Variants in EIF3H observed in about 807,000 individuals in gnomAD.
The protein encoded by EIF3H is eukaryotic translation initiation factor 3 subunit H.
A neutral mutation model predicts 44.2 loss-of-function variants in EIF3H; 26 were observed. That is an observed-to-expected ratio of 0.59 (90% confidence interval 0.43 to 0.82). The LOEUF (loss-of-function observed/expected upper bound fraction) is 0.82. Ranked by LOEUF, EIF3H falls within the 40% of genes least tolerant of loss-of-function variation. EIF3H has a pLI of 0.00. For missense variants in EIF3H, 359 were observed against 432.8 expected, an observed-to-expected ratio of 0.83 and a Z score of 1.51; for synonymous variants, 166 against 151.9, an observed-to-expected ratio of 1.09 and a Z score of -0.68.
chr8:116,645,103 C>T lies in EIF3H; in HGVS notation c.962G>A (p.Gly321Asp). The T allele has an allele frequency of 6.2e-7, 1 of 1,612,880 alleles. No individual in the cohort carries two copies. The highest frequency in any genetic ancestry group is 8.5e-7 in the Non-Finnish European group (1 of 1,179,082). The change falls in exon 8 of 8, where the codon GGC becomes GAC. Residue 321 changes from glycine (G) to aspartate (D), a missense_variant and splice_region_variant. Gly to Asp is a moderately conservative substitution (Grantham distance 94). Around this residue, in one of 5 missense-constraint regions of EIF3H, gnomAD observed 94 missense variants for 96.0 expected, o/e 0.98. Coordinates refer to ENST00000521861, the MANE Select transcript of EIF3H (RefSeq NM_003756.3). The stretch of plus-strand genomic sequence containing the variant: ...GTTCTGGCAGTAAGTGTTTATCTGG[C>T]CTGTGCATTTGAGAAAGAGATAGAG... Reference protein sequence around the residue: ...PARMDSLLIAGQINTYCQNIK... With the variant: ...PARMDSLLIADQINTYCQNIK...
intron 2 of EIF3H, among the ~76,000 whole-genome samples, chr8:116,663,261 G>A (rs1813610796): frequency 1.3e-5 from 2 of 152,166 alleles, no homozygotes; most frequent in Admixed American, 1.3e-4. Context: ...AAGAAAAAAA[G>A]AGGCTCCTTG....
intron 1 of EIF3H, among the ~76,000 whole-genome samples, chr8:116,728,281 G>A (rs1159364795): frequency 3.3e-5 from 1 of 30,676 alleles, no homozygotes; most frequent in African/African-American, 2.9e-4. Flanking sequence ...TTAGGAGAAA[G>A]GTACTGTTAA....
At chr8:116,743,790 ATATATATAAACAC>A (rs1815174644) in intron 1 of EIF3H, among the ~76,000 whole-genome samples, 1 of 90,926 alleles carries the variant, frequency 1.1e-5, no homozygotes, top group South Asian at 3.8e-4. Context: ...ATATATATAT[ATATATATAAACAC>A]ACACACACAC....
chr8:116,754,331 T>C (rs1282254869), intron 1 of EIF3H, among the ~76,000 whole-genome samples: 2 of 152,136 alleles, frequency 1.3e-5, no homozygotes, highest in Non-Finnish European at 2.9e-5. Context: ...CAGGCTGGTC[T>C]CGAACTCCTG....
intron 1 of EIF3H, among the ~76,000 whole-genome samples, chr8:116,745,266 C>T (rs1815211824): frequency 6.6e-6 from 1 of 152,206 alleles, no homozygotes; most frequent in Non-Finnish European, 1.5e-5. Context: ...CTATTACCAA[C>T]TATTAAAATC....
intron 2 of EIF3H, among the ~76,000 whole-genome samples, chr8:116,690,818 A>C (rs1271220599): frequency 6.6e-6 from 1 of 152,228 alleles, no homozygotes; most frequent in Non-Finnish European, 1.5e-5. Context: ...CTCTGCACTC[A>C]TTTTAAATAA....
chr8:116,676,635 C>T (rs968836625), intron 2 of EIF3H, among the ~76,000 whole-genome samples: 3 of 152,138 alleles, frequency 2.0e-5, no homozygotes, highest in Non-Finnish European at 2.9e-5. Context: ...CAAAGCCTAA[C>T]CATATCAGAC....
intron 1 of EIF3H, among the ~76,000 whole-genome samples, chr8:116,752,712 GAAAGAAAGAAAGAA>G (rs1815366081): frequency 7.8e-6 from 1 of 128,144 alleles, no homozygotes; most frequent in African/African-American, 2.9e-5. Flanking sequence ...AAGAAAGAAA[GAAAGAAAGAAAGAA>G]AGAAAGAAGA....
chr8:116,660,814 T>C (rs954985144), intron 2 of EIF3H, among the ~76,000 whole-genome samples: 1 of 152,228 alleles, frequency 6.6e-6, no homozygotes. Context: ...AGACACTTTG[T>C]ATACCAAACC....
chr8:116,707,053 C>A (rs1025529749), intron 2 of EIF3H, among the ~76,000 whole-genome samples: 1 of 152,178 alleles, frequency 6.6e-6, no homozygotes, highest in African/African-American at 2.4e-5. Flanking sequence ...TCTCTCTCCT[C>A]TACGTTTTCA....
At chr8:116,750,677 C>G (rs1483789551) in intron 1 of EIF3H, among the ~76,000 whole-genome samples, 2 of 151,766 alleles carry the variant, frequency 1.3e-5, no homozygotes, top group African/African-American at 4.8e-5. Context: ...TCCCAAAGTG[C>G]TGGGATTACA....
intron 2 of EIF3H, among the ~76,000 whole-genome samples, chr8:116,692,858 C>T (rs1022499737): frequency 2.0e-5 from 3 of 152,100 alleles, no homozygotes; most frequent in African/African-American, 7.2e-5. Context: ...AAGCTATTTT[C>T]TTAATAAGCC....
chr8:116,727,788 C>T (rs1426408472), intron 1 of EIF3H, among the ~76,000 whole-genome samples: 1 of 152,192 alleles, frequency 6.6e-6, no homozygotes, highest in African/African-American at 2.4e-5. Context: ...ACTCTTTGAT[C>T]ATGGCTCTCC....
intron 1 of EIF3H, chr8:116,765,480 A>C (rs1815561968): frequency 6.6e-6 from 1 of 152,256 alleles, no homozygotes; most frequent in Admixed American, 6.5e-5. Context: ...ACAAAAATGC[A>C]AAATTCCATA....
chr8:116,709,726 A>G (rs1422972696), intron 2 of EIF3H, among the ~76,000 whole-genome samples: 1 of 152,218 alleles, frequency 6.6e-6, no homozygotes, highest in East Asian at 1.9e-4. Context: ...TTTGTTTCCA[A>G]AAAGACTCCA....
intron 1 of EIF3H, chr8:116,734,389 T>G (rs1206173533): frequency 4.4e-6 from 2 of 455,472 alleles, no homozygotes; most frequent in Non-Finnish European, 8.8e-6. Flanking sequence ...ACTATGGATT[T>G]TTAATCTTTT....
At chr8:116,764,770 C>T (rs1160445285) in intron 1 of EIF3H, among the ~76,000 whole-genome samples, 5 of 152,204 alleles carry the variant, frequency 3.3e-5, no homozygotes, top group Non-Finnish European at 7.3e-5. Flanking sequence ...CCTCCCGCCT[C>T]GGGCTCCCGA....
chr8:116,758,957 C>A (rs1182054515), upstream of EIF3H, among the ~76,000 whole-genome samples: 3 of 152,086 alleles, frequency 2.0e-5, no homozygotes, highest in African/African-American at 7.2e-5. Context: ...TCTCTAACAT[C>A]CTAGACAAAA....
chr8:116,677,419 T>A (rs1317260775), intron 2 of EIF3H, among the ~76,000 whole-genome samples: 1 of 152,248 alleles, frequency 6.6e-6, no homozygotes, highest in Non-Finnish European at 1.5e-5. Context: ...GAGGGGCATA[T>A]GTTCTAATGT....
Sources: allele counts gnomAD v4.1 joint callset (sites outside exome capture counted in the v4.1 genomes callset), GRCh38; gene constraint gnomAD v4.1.1; regional missense constraint gnomAD v4.1.1; transcripts MANE v1.5; gene names NCBI Gene and HGNC (gene_info 2026-07-23, HGNC 2026-07-21).